MED12L: variants seen among roughly 807,000 people sequenced by gnomAD.
MED12L encodes the protein mediator complex subunit 12L, also known as mediator of RNA polymerase II transcription subunit 12-like protein.
Under a neutral mutation model 281.3 loss-of-function variants are expected in MED12L, and 60 were observed. That is an observed-to-expected ratio of 0.21 (90% confidence interval 0.17 to 0.26). The LOEUF is 0.26. Among genes scored for constraint, MED12L ranks in the 10% least tolerant of loss-of-function variants. The probability of loss-of-function intolerance (pLI) is 1.00; values close to 1 mark genes in which losing one functional copy is unlikely to be tolerated. For missense variants in MED12L, 2,146 were observed against 2,680.9 expected, an observed-to-expected ratio of 0.80 and a Z score of 4.41; for synonymous variants, 974 against 987.2, an observed-to-expected ratio of 0.99 and a Z score of 0.25.
intron 16 of MED12L, among the ~76,000 whole-genome samples, chr3:151,252,003 A>G (rs573830540): frequency 6.6e-6 from 1 of 152,220 alleles, no homozygotes; most frequent in Admixed American, 6.5e-5. Flanking sequence ...ATAACTGTGT[A>G]ATTTGTCTGA....
intron 11 of MED12L, among the ~76,000 whole-genome samples, chr3:151,175,615 G>A (rs1379975181): frequency 6.6e-6 from 1 of 152,146 alleles, no homozygotes; most frequent in Non-Finnish European, 1.5e-5. Context: ...GTAGTTGTCA[G>A]TTATTTTACC....
chr3:151,134,382 C>T (rs1055653277), intron 5 of MED12L, among the ~76,000 whole-genome samples: 2 of 152,120 alleles, frequency 1.3e-5, no homozygotes, highest in Non-Finnish European at 2.9e-5. Context: ...ATACGTTATT[C>T]TCATTTCGTG....
intron 11 of MED12L, among the ~76,000 whole-genome samples, chr3:151,173,119 C>T (rs908064230): frequency 1.9e-4 from 28 of 150,956 alleles, no homozygotes; most frequent in African/African-American, 2.4e-4. Context: ...TTTTAGACAA[C>T]GAGCCCTGTT....
intron 37 of MED12L, among the ~76,000 whole-genome samples, 159 bp from the exon 38 acceptor site, chr3:151,389,820 G>A (rs1454944583): frequency 6.6e-6 from 1 of 152,092 alleles, no homozygotes; most frequent in African/African-American, 2.4e-5. Flanking sequence ...ATATTTCCAG[G>A]GGATTTATTA....
intron 16 of MED12L, among the ~76,000 whole-genome samples, chr3:151,310,037 C>G (rs1424101161): frequency 2.0e-5 from 3 of 152,110 alleles, no homozygotes; most frequent in Non-Finnish European, 4.4e-5. Context: ...CATTAGGAGG[C>G]TAATCAAACG....
rs368017606 is a variant in MED12L, at chr3:151,413,231, C to T, written c.6233C>T (p.Pro2078Leu). Reference protein sequence around the residue: ...TSAHPNLPSVPLPQDPMRPRQ... With the variant: ...TSAHPNLPSVLLPQDPMRPRQ... ...GCACATCCAAACCTTCCCTCCGTGCCCCTGCCTCAGGATCCCATGAGACCC... is the reference window on the plus strand; with the variant it reads ...GCACATCCAAACCTTCCCTCCGTGCTCCTGCCTCAGGATCCCATGAGACCC... Residue 2078 changes from proline (P) to leucine (L), a missense_variant, in exon 42 of 45, where the codon CCC becomes CTC. Transcript: ENST00000687756. 5.6e-6 allele frequency: 9 copies of T among 1,614,178 alleles called. No individual in the cohort carries two copies. Among genetic ancestry groups the T allele is most frequent in the Non-Finnish European group, 7.6e-6 (9 of 1,180,040 alleles).
chr3:151,278,318 G>A (rs1002767985), intron 16 of MED12L: 1 of 152,166 alleles, frequency 6.6e-6, no homozygotes, highest in Non-Finnish European at 1.5e-5. Context: ...TGAGAGTCAT[G>A]CTTCACTCAT....
chr3:151,337,087 A>G (rs1260986180), intron 16 of MED12L: 1 of 152,146 alleles, frequency 6.6e-6, no homozygotes, highest in Non-Finnish European at 1.5e-5. Context: ...TAGTAAAACT[A>G]GTTTCTCTAG....
At chr3:151,422,448 G>T (rs187981155) in intron 43 of MED12L, among the ~76,000 whole-genome samples, 1 of 152,058 alleles carries the variant, frequency 6.6e-6, no homozygotes, top group Non-Finnish European at 1.5e-5. Context: ...CTTTGGCATC[G>T]CTCGGCCCGT....
intron 35 of MED12L, 63 bp downstream of exon 35, chr3:151,384,281 TTTTAA>T: frequency 2.1e-6 from 3 of 1,422,812 alleles, no homozygotes; most frequent in Non-Finnish European, 2.9e-6. Context: ...ATCTAGTGCA[TTTTAA>T]TTTATTACTC....
At chr3:151,161,203 GAAAT>G (rs1314935156) in intron 8 of MED12L, among the ~76,000 whole-genome samples, 1 of 152,208 alleles carries the variant, frequency 6.6e-6, no homozygotes, top group Non-Finnish European at 1.5e-5. Flanking sequence ...GCAAGGCAAA[GAAAT>G]CAGTTTGGAA....
intron 43 of MED12L, among the ~76,000 whole-genome samples, chr3:151,417,923 A>G (rs993525529): frequency 4.6e-5 from 7 of 152,190 alleles, no homozygotes; most frequent in African/African-American, 1.7e-4. Flanking sequence ...CTGCCTGCCT[A>G]CCTATCCAAT....
chr3:151,221,324 C>T (rs6810247), intron 16 of MED12L, among the ~76,000 whole-genome samples: 3 of 152,056 alleles, frequency 2.0e-5, no homozygotes, highest in African/African-American at 7.3e-5. Flanking sequence ...CATCTTCTGA[C>T]GAGAAGTTCA....
intron 16 of MED12L, among the ~76,000 whole-genome samples, chr3:151,228,401 C>A (rs185868305): frequency 6.6e-6 from 1 of 152,078 alleles, no homozygotes. Flanking sequence ...GAACATTGCG[C>A]GTACAGGGAG....
chr3:151,199,405 T>A, intron 16 of MED12L: 2 of 1,570,132 alleles, frequency 1.3e-6, no homozygotes, highest in Non-Finnish European at 1.7e-6. Context: ...AAAGTAAGGA[T>A]GACTGCTTAT....
chr3:151,155,272 A>C (rs940255827), intron 5 of MED12L, among the ~76,000 whole-genome samples: 2 of 152,026 alleles, frequency 1.3e-5, no homozygotes, highest in Non-Finnish European at 1.5e-5. Flanking sequence ...TGCAATTATT[A>C]CATTTTTATC....
chr3:151,247,726 CA>C (rs1288328289), intron 16 of MED12L, among the ~76,000 whole-genome samples: 1 of 137,454 alleles, frequency 7.3e-6, no homozygotes, highest in Non-Finnish European at 1.6e-5. Flanking sequence ...CTAACCTGCA[CA>C]ATGTGCACAT....
intron 39 of MED12L, among the ~76,000 whole-genome samples, chr3:151,403,504 C>T (rs547668909): frequency 1.1e-4 from 17 of 152,310 alleles, no homozygotes; most frequent in African/African-American, 3.4e-4. Flanking sequence ...AAAATCTCAA[C>T]GGAACACATC....
intron 16 of MED12L, among the ~76,000 whole-genome samples, chr3:151,255,289 A>G (rs927489119): frequency 6.6e-6 from 1 of 152,186 alleles, no homozygotes; most frequent in Non-Finnish European, 1.5e-5. Context: ...GATTTATACT[A>G]ATGGGTACCC....
Sources: allele counts gnomAD v4.1 joint callset (sites outside exome capture counted in the v4.1 genomes callset), GRCh38; gene constraint gnomAD v4.1.1; transcripts MANE v1.5; gene names NCBI Gene and HGNC (gene_info 2026-07-23, HGNC 2026-07-21).